The following GCNT2 variants were observed in gnomAD, a reference collection of about 807,000 sequenced individuals.
GCNT2 encodes N-acetyllactosaminide beta-1,6-N-acetylglucosaminyl-transferase.
In GCNT2, 34 loss-of-function variants were observed where a neutral mutation model predicts 34.2. That is an observed-to-expected ratio of 1.00 (90% CI 0.76 to 1.32). The LOEUF is 1.32. Ranked by LOEUF, GCNT2 falls within the 40% of genes most tolerant of loss-of-function variation. The pLI is 0.00. For synonymous variants in GCNT2, 212 were observed against 188.0 expected (o/e 1.13, Z -1.04); for missense variants, 584 against 489.4 (o/e 1.19, Z -1.82).
At chr6:10,600,602 C>T (rs1051335882) in intron 3 of GCNT2, among the ~76,000 whole-genome samples, 1 of 152,138 alleles carries the variant, frequency 6.6e-6, no homozygotes, top group Non-Finnish European at 1.5e-5. Context: ...ATCCCTGCTG[C>T]TTGCCTTTTC....
At chr6:10,532,886 G>T (rs1761561903) in intron 3 of GCNT2, among the ~76,000 whole-genome samples, 1 of 148,836 alleles carries the variant, frequency 6.7e-6, no homozygotes, top group South Asian at 2.1e-4. Context: ...GGGTCCTTCT[G>T]GTTGATGTGT....
chr6:10,587,974 T>TA (rs1764432454), intron 3 of GCNT2, among the ~76,000 whole-genome samples: 1 of 152,186 alleles, frequency 6.6e-6, no homozygotes, highest in African/African-American at 2.4e-5. Context: ...TCCCAGCTCT[T>TA]ATGTCTAGTG....
Position 10,587,156 on chromosome 6 carries a change from A to G in GCNT2, c.926-34195A>G, listed in dbSNP as rs149194835. Among the ~76,000 whole-genome samples, 20 of 152,352 alleles carry G rather than the reference A, an allele frequency of 1.3e-4. No individual in the cohort carries two copies. The East Asian group carries it at 2.3e-3, about 18-fold the overall frequency. ...ACTAACTTTGATTACATAGTTGCTG[A>G]ATTTTAACTGTTGTTTGAATTAATA... On this transcript the variant is annotated intron_variant, in intron 3 of 4. Coordinates refer to ENST00000495262, the MANE Select transcript of GCNT2 (RefSeq NM_145649.5).
At chr6:10,538,096 C>T (rs376991679) in intron 3 of GCNT2, among the ~76,000 whole-genome samples, 19 of 151,832 alleles carry the variant, frequency 1.3e-4, no homozygotes, top group Non-Finnish European at 2.6e-4. Context: ...GGCTTTCACA[C>T]ATCATAAGGT....
At chr6:10,623,377 C>T (rs1345421339) in intron 4 of GCNT2, among the ~76,000 whole-genome samples, 1 of 151,796 alleles carries the variant, frequency 6.6e-6, no homozygotes, top group African/African-American at 2.4e-5. Context: ...CTGGAACCTC[C>T]GTCTCCCGGG....
chr6:10,550,358 T>C (rs1162347923), intron 3 of GCNT2, among the ~76,000 whole-genome samples: 1 of 151,696 alleles, frequency 6.6e-6, no homozygotes, highest in East Asian at 2.0e-4. Context: ...TTTCTTACAA[T>C]ATATTAATTA....
chr6:10,600,606 C>T lies in GCNT2; in HGVS notation c.926-20745C>T, dbSNP rs78471133. 1.8e-3 allele frequency among the ~76,000 whole-genome samples: 279 copies of T among 152,228 alleles called. 14 individuals are homozygous for T. In the East Asian group the frequency reaches 0.05, roughly 28 times the overall value. On this transcript the variant is annotated intron_variant, in intron 3 of 4. Transcript: ENST00000495262. ...ACCTGTTCTCCATCCCTGCTGCTTGCCTTTTCCGGAAAGTCATATTTTTAT... is the reference window on the plus strand; with the variant it reads ...ACCTGTTCTCCATCCCTGCTGCTTGTCTTTTCCGGAAAGTCATATTTTTAT...
chr6:10,619,208 T>C (rs1313579596), intron 3 of GCNT2: 1 of 152,216 alleles, frequency 6.6e-6, no homozygotes, highest in Admixed American at 6.5e-5. Flanking sequence ...ATTTTAGGAA[T>C]GATCCCTCTC....
intron 3 of GCNT2, among the ~76,000 whole-genome samples, chr6:10,538,761 T>G (rs1403725278): frequency 6.6e-6 from 1 of 152,162 alleles, no homozygotes; most frequent in Non-Finnish European, 1.5e-5. Flanking sequence ...GCTTACATAA[T>G]AATGATAATG....
chr6:10,588,329 T>C (rs779038603), intron 3 of GCNT2, among the ~76,000 whole-genome samples: 1 of 152,168 alleles, frequency 6.6e-6, no homozygotes, highest in Non-Finnish European at 1.5e-5. Context: ...ATGCGTGGCA[T>C]TTAATCTTAT....
At chr6:10,600,441 G>A (rs1411259790) in intron 3 of GCNT2, among the ~76,000 whole-genome samples, 2 of 152,086 alleles carry the variant, frequency 1.3e-5, no homozygotes. Flanking sequence ...TCTTTAGTGT[G>A]CAGTTCCGTG....
At chr6:10,571,513 C>T (rs560763097) in intron 3 of GCNT2, among the ~76,000 whole-genome samples, 11 of 152,110 alleles carry the variant, frequency 7.2e-5, no homozygotes, top group East Asian at 5.8e-4. Context: ...CCAATATGCC[C>T]GGCAAATTTT....
chr6:10,547,882 A>G (rs949086557), intron 3 of GCNT2, among the ~76,000 whole-genome samples: 6 of 152,122 alleles, frequency 3.9e-5, no homozygotes, highest in African/African-American at 1.4e-4. Flanking sequence ...ATGGGTTATA[A>G]TCCATTATTC....
chr6:10,557,215 TG>T, intron 3 of GCNT2: 1 of 1,585,654 alleles, frequency 6.3e-7, no homozygotes, highest in Non-Finnish European at 8.6e-7. Flanking sequence ...GCTCTGCCTA[TG>T]TGGCTCTATC....
At chr6:10,566,625 C>T (rs1395488695) in intron 3 of GCNT2, among the ~76,000 whole-genome samples, 3 of 152,194 alleles carry the variant, frequency 2.0e-5, no homozygotes, top group African/African-American at 7.2e-5. Context: ...GTTGTATATT[C>T]CTAGTGACCT....
rs1446257979 is a variant in GCNT2 at position 10,529,542 on chromosome 6, A to C, written c.631A>C (p.Lys211Gln). Residue 211 changes from lysine (K) to glutamine (Q), a missense_variant, in exon 3 of 5, where the codon AAA becomes CAA. Physicochemically the swap from Lys to Gln is moderately conservative, Grantham distance 53. Coordinates refer to ENST00000495262, the MANE Select transcript of GCNT2 (RefSeq NM_145649.5). ...REIVQYLKGF[K>Q]GKNITPGVLP... ...AATAGTTCAGTATCTGAAGGGATTT[A>C]AAGGGAAAAATATCACCCCCGGAGT... 3 of 1,614,082 alleles carry C rather than the reference A, an allele frequency of 1.9e-6. No homozygotes were observed. Among genetic ancestry groups the C allele is most frequent in the African/African-American group, 2.7e-5 (2 of 74,936 alleles).
intron 3 of GCNT2, among the ~76,000 whole-genome samples, chr6:10,558,601 G>T (rs1054883614): frequency 1.3e-5 from 2 of 152,142 alleles, no homozygotes; most frequent in Non-Finnish European, 2.9e-5. Flanking sequence ...ATACAAAATG[G>T]ATCTCTGATG....
At chr6:10,558,644 C>T (rs1036726449) in intron 3 of GCNT2, among the ~76,000 whole-genome samples, 1 of 152,170 alleles carries the variant, frequency 6.6e-6, no homozygotes, top group Non-Finnish European at 1.5e-5. Context: ...AAGAGAAAAG[C>T]AATCATTGTT....
At chr6:10,586,305 G>T (rs761256450) in intron 3 of GCNT2, 3 of 1,614,048 alleles carry the variant, frequency 1.9e-6, no homozygotes, top group Non-Finnish European at 1.7e-6. Context: ...CATCCATAAG[G>T]ACTTTGACAC....
Sources: allele counts gnomAD v4.1 joint callset (sites outside exome capture counted in the v4.1 genomes callset), GRCh38; gene constraint gnomAD v4.1.1; transcripts MANE v1.5; gene names NCBI Gene and HGNC (gene_info 2026-07-23, HGNC 2026-07-21).